SPATA31F1: variants seen among roughly 807,000 people sequenced by gnomAD.
The protein encoded by SPATA31F1 is protein SPATA31F1.
chr9:34,726,459 G>C, the SPATA31F1 span: 33 of 1,551,256 alleles, frequency 2.1e-5, no homozygotes, highest in Non-Finnish European at 2.9e-5. Flanking sequence ...TTCAGGGACA[G>C]CAAGGAGACC....
the SPATA31F1 span, chr9:34,724,771 C>A: frequency 3.9e-6 from 6 of 1,551,738 alleles, no homozygotes; most frequent in South Asian, 7.1e-5. Flanking sequence ...GAATCAGAGG[C>A]TCTGCTGGGA....
chr9:34,729,182 A>G, the SPATA31F1 span: 1 of 1,340,228 alleles, frequency 7.5e-7, no homozygotes, highest in Non-Finnish European at 1.0e-6. Flanking sequence ...AACTGAAAGT[A>G]TGCTATAAAA....
the SPATA31F1 span, chr9:34,724,558 G>C: frequency 1.3e-6 from 2 of 1,545,328 alleles, no homozygotes; most frequent in Non-Finnish European, 1.8e-6. Context: ...TTTTTCTCAG[G>C]TGGAAGTTTA....
the SPATA31F1 span, chr9:34,728,493 A>G: frequency 9.5e-6 from 9 of 947,252 alleles, no homozygotes; most frequent in African/African-American, 3.3e-5. Context: ...CAGTCTGGGG[A>G]ACTGGAGTCT....
At chr9:34,725,108 G>A in the SPATA31F1 span, 2 of 1,551,164 alleles carry the variant, frequency 1.3e-6, no homozygotes, top group Non-Finnish European at 1.7e-6. Flanking sequence ...GGGAAAAGGA[G>A]CCACTGCCAG....
At chr9:34,726,890 A>G in the SPATA31F1 span, 1 of 1,551,770 alleles carries the variant, frequency 6.4e-7, no homozygotes, top group Non-Finnish European at 8.7e-7. Context: ...ACCCACCAGC[A>G]ATTGCTGAAT....
the SPATA31F1 span, chr9:34,723,154 G>A: frequency 6.8e-7 from 1 of 1,465,580 alleles, no homozygotes; most frequent in Non-Finnish European, 9.1e-7. Context: ...CAGTTGGGGA[G>A]CCTATAAACT....
chr9:34,723,224 G>T, the SPATA31F1 span: 1 of 1,550,128 alleles, frequency 6.5e-7, no homozygotes, highest in African/African-American at 1.4e-5. Context: ...TGAGGTGAGG[G>T]TCAGGAGCTA....
chr9:34,728,671 A>G, the SPATA31F1 span: 3 of 1,551,346 alleles, frequency 1.9e-6, no homozygotes, highest in South Asian at 1.2e-5. Flanking sequence ...AGACAAAAAC[A>G]TTAGAATGTG....
chr9:34,726,302 C>T, the SPATA31F1 span: 68 of 1,526,766 alleles, frequency 4.5e-5, no homozygotes, highest in Non-Finnish European at 5.5e-5. Context: ...CTCCTCCACA[C>T]GTCTTGGGAG....
chr9:34,727,113 T>C, the SPATA31F1 span: 1 of 1,426,732 alleles, frequency 7.0e-7, no homozygotes, highest in Non-Finnish European at 9.2e-7. Context: ...CATCTTGTTG[T>C]CTACCTGTCT....
the SPATA31F1 span, chr9:34,729,226 A>C: frequency 6.6e-7 from 1 of 1,506,028 alleles, no homozygotes; most frequent in Admixed American, 2.4e-5. Context: ...GAGCACGGTA[A>C]GAACTTATAG....
chr9:34,727,004 C>T, the SPATA31F1 span: 29,876 of 1,540,812 alleles, frequency 0.019, 380 homozygotes, highest in African/African-American at 0.042. Flanking sequence ...AAGGGAAACA[C>T]GGCAAAATTA....
At chr9:34,723,673 T>A in the SPATA31F1 span, 1 of 1,551,628 alleles carries the variant, frequency 6.4e-7, no homozygotes, top group South Asian at 1.2e-5. Flanking sequence ...CATGCAAAAC[T>A]TGGCCTTGCA....
At chr9:34,723,158 A>G in the SPATA31F1 span, 2 of 1,478,062 alleles carry the variant, frequency 1.4e-6, no homozygotes, top group African/African-American at 1.4e-5. Flanking sequence ...TGGGGAGCCT[A>G]TAAACTCTTT....
At chr9:34,726,918 T>C in the SPATA31F1 span, 1 of 1,551,718 alleles carries the variant, frequency 6.4e-7, no homozygotes, top group Non-Finnish European at 8.7e-7. Context: ...GCCACAGAAT[T>C]GCAGATTTGG....
chr9:34,728,027 A>T, the SPATA31F1 span: 1 of 1,552,056 alleles, frequency 6.4e-7, no homozygotes. Context: ...ATCACCTTTT[A>T]ATGATGGAGA....
the SPATA31F1 span, chr9:34,728,035 A>T: frequency 6.4e-7 from 1 of 1,552,178 alleles, no homozygotes. Context: ...TTAATGATGG[A>T]GAGCAGCTTC....
chr9:34,726,849 C>G, the SPATA31F1 span: 3 of 1,551,780 alleles, frequency 1.9e-6, no homozygotes, highest in Non-Finnish European at 2.6e-6. Flanking sequence ...TGCAATGGCC[C>G]CGATAAAGTC....
Sources: gnomAD v4.1 joint callset for allele counts on GRCh38, gnomAD v4.1.1 for gene constraint, MANE v1.5 for transcripts, NCBI Gene and HGNC (gene_info 2026-07-23, HGNC 2026-07-21) for gene names.